The following FBN1 variants were observed in gnomAD, a reference collection of about 807,000 sequenced individuals.
The protein encoded by FBN1 is fibrillin 1, also known as fibrillin-1.
FBN1 carries 29 observed loss-of-function variants against 365.1 expected under a neutral mutation model. The observed-to-expected ratio is 0.08, with a 90% CI of 0.06 to 0.11. The LOEUF is 0.11. Among genes scored for constraint, FBN1 ranks in the 10% least tolerant of loss-of-function variants. FBN1 has a pLI of 1.00. For missense variants in FBN1, 2,476 were observed against 3,703.2 expected (o/e 0.67, Z 8.60); for synonymous variants, 1,210 against 1,270.5 (o/e 0.95, Z 1.01).
intron 60 of FBN1, 28 bp from the exon 61 acceptor site, chr15:48,422,096 G>A (rs201547341): frequency 2.1e-5 from 32 of 1,493,774 alleles, no homozygotes; most frequent in Non-Finnish European, 3.0e-5. Flanking sequence ...AGAGGCATTT[G>A]AGTCAAGCCA....
chr15:48,408,496 CCTA>C lies in FBN1; in HGVS notation c.*2491_*2493del, dbSNP rs1299787127. ...CAAGGCCAGCTGAGTTCATTTCAAC[CCTA>C]CTTACAAAATAATTATTGGCAAATG... On this transcript the variant is annotated 3_prime_UTR_variant, in exon 66 of 66. Transcript: ENST00000316623. 2 of 152,542 alleles carry C rather than the reference CCTA, an allele frequency of 1.3e-5. No individual in the cohort carries two copies. The highest frequency in any genetic ancestry group is 1.3e-4 in the Admixed American group (2 of 15,264). 9.4% of individuals were successfully genotyped at this position (152,542 alleles called of 1,614,324 possible).
chr15:48,570,895 G>T (rs2044301497), intron 6 of FBN1, among the ~76,000 whole-genome samples: 1 of 152,152 alleles, frequency 6.6e-6, no homozygotes, highest in Admixed American at 6.5e-5. Flanking sequence ...TGATTGGAAG[G>T]GATTCTGCCT....
intron 3 of FBN1, among the ~76,000 whole-genome samples, chr15:48,612,234 T>C (rs528487656): frequency 1.3e-5 from 2 of 152,324 alleles, no homozygotes; most frequent in South Asian, 4.1e-4. Flanking sequence ...TATAGTCTAT[T>C]GAATACTCCA....
In FBN1 at chr15:48,438,483, G is replaced by C. The variant is rs567282930; in HGVS notation, c.6164-566C>G. ...GTAGATGGGCAAAAATACAACACAA[G>C]GGTTGGTCACTGAAGCAGATACTCC... On this transcript the variant is annotated intron_variant, in intron 50 of 65. Transcript: ENST00000316623. Among the ~76,000 whole-genome samples the C allele has an allele frequency of 1.1e-4, 17 of 152,256 alleles. No homozygotes were observed. In the South Asian group the frequency reaches 3.5e-3, roughly 32 times the overall value.
rs16961144 is a variant in FBN1 at position 48,557,575 on chromosome 15, T to C, written c.539-19767A>G. On this transcript the variant is annotated intron_variant, in intron 6 of 65. Coordinates refer to ENST00000316623, the MANE Select transcript of FBN1 (RefSeq NM_000138.5). ...GCAAGCGCCATTCAAGCCAGGATTCTGTCAGTACAACGGGCGTGTCAGCGA... is the reference window on the plus strand; with the variant it reads ...GCAAGCGCCATTCAAGCCAGGATTCCGTCAGTACAACGGGCGTGTCAGCGA... Among the ~76,000 whole-genome samples, 2,545 of 152,302 alleles carry C rather than the reference T, an allele frequency of 0.017. 201 individuals are homozygous for C. The East Asian group carries it at 0.24, about 14-fold the overall frequency.
At position 48,516,220 on chromosome 15, in the gene FBN1, T is replaced by C. The variant is rs749526018; in HGVS notation, c.1290A>G (p.Pro430=). 6.2e-6 allele frequency: 10 copies of C among 1,613,512 alleles called. No individual in the cohort carries two copies. The Admixed American group carries it at 1.5e-4, about 24-fold the overall frequency. Residue 430 remains proline, a synonymous_variant, in exon 11 of 66, where the codon CCA becomes CCG. Transcript: ENST00000316623. ...PPGPQIPVPR[P]PVEYLYPSRE... ...GAGATGGATACAGATATTCCACTGG[T>C]GGTCGAGGGACCGGAATTTGAGGTC...
At chr15:48,482,047 C>G (rs866643662) in intron 31 of FBN1, among the ~76,000 whole-genome samples, 1 of 152,074 alleles carries the variant, frequency 6.6e-6, no homozygotes, top group African/African-American at 2.4e-5. Context: ...GTTTAGAGCT[C>G]GTTTATGTGA....
At chr15:48,610,440 C>T (rs142378343) in intron 4 of FBN1, among the ~76,000 whole-genome samples, 11 of 152,212 alleles carry the variant, frequency 7.2e-5, no homozygotes, top group Non-Finnish European at 1.6e-4. Context: ...ATGGTGTTTA[C>T]ACTGGAGATA....
chr15:48,640,107 GTCTGTAC>G (rs1356506972), intron 2 of FBN1, among the ~76,000 whole-genome samples: 2 of 152,176 alleles, frequency 1.3e-5, no homozygotes, highest in African/African-American at 4.8e-5. Context: ...TTGAAGGGAA[GTCTGTAC>G]TCCATTTCCA....
chr15:48,454,685 C>T (rs564914889), intron 44 of FBN1, among the ~76,000 whole-genome samples: 1 of 152,310 alleles, frequency 6.6e-6, no homozygotes, highest in East Asian at 1.9e-4. Flanking sequence ...GAAGTTGGCT[C>T]GACCAAAGAA....
chr15:48,492,522 C>A lies in FBN1; in HGVS notation c.2793G>T (p.Gly931=), dbSNP rs775785545. The change falls in exon 24 of 66, where the codon GGG becomes GGT. Residue 931 remains glycine, a synonymous_variant. Transcript: ENST00000316623. ...CKNGLCVNTR[G]SFKCQCPSGM... ...CACTGGGACACTGACACTTGAATGACCCCCTAGTGTTAACACACAGGCCAT... is the reference window on the plus strand; with the variant it reads ...CACTGGGACACTGACACTTGAATGAACCCCTAGTGTTAACACACAGGCCAT... 36 of 1,612,936 alleles carry A rather than the reference C, an allele frequency of 2.2e-5. No individual in the cohort carries two copies. Among genetic ancestry groups the A allele is most frequent in the Non-Finnish European group, 3.0e-5 (35 of 1,179,154 alleles).
chr15:48,526,683 G>A (rs1248418945), intron 8 of FBN1, among the ~76,000 whole-genome samples: 9 of 151,942 alleles, frequency 5.9e-5, no homozygotes, highest in East Asian at 1.9e-4. Context: ...TCCACAACGC[G>A]GATACTGGAA....
chr15:48,520,585 G>T, intron 10 of FBN1, 74 bp downstream of exon 10: 3 of 1,557,076 alleles, frequency 1.9e-6, no homozygotes, highest in Non-Finnish European at 2.6e-6. Context: ...CATTACATCT[G>T]CATCATGCAC....
At chr15:48,644,979 G>T in intron 1 of FBN1, 29 bp from the exon 2 acceptor site, 1 of 379,922 alleles carries the variant, frequency 2.6e-6, no homozygotes, top group Non-Finnish European at 4.5e-6. Flanking sequence ...TCCCCGAGGC[G>T]GGGAGACTTT....
Position 48,494,262 on chromosome 15 carries a change from A to G in FBN1, c.2678-8T>C. On this transcript the variant is annotated splice_polypyrimidine_tract_variant and splice_region_variant and intron_variant, in intron 22 of 65. Coordinates refer to ENST00000316623, the MANE Select transcript of FBN1 (RefSeq NM_000138.5). ...CTTTACCACATATGGGATCTGTAAT[A>G]AAAAGCGAAAAACAAAACAGAAAAC... 1 of 1,610,898 alleles carries G rather than the reference A, an allele frequency of 6.2e-7. No individual in the cohort carries two copies. The highest frequency in any genetic ancestry group is 1.1e-5 in the South Asian group (1 of 91,024).
At chr15:48,471,247 C>A (rs371980378) in intron 35 of FBN1, among the ~76,000 whole-genome samples, 9 of 152,290 alleles carry the variant, frequency 5.9e-5, no homozygotes, top group African/African-American at 2.2e-4. Flanking sequence ...GAAAACCGCA[C>A]ACGCTTCTTC....
At chr15:48,570,442 C>G (rs1188964016) in intron 6 of FBN1, among the ~76,000 whole-genome samples, 1 of 150,924 alleles carries the variant, frequency 6.6e-6, no homozygotes, top group Non-Finnish European at 1.5e-5. Context: ...TTTTGTGCCT[C>G]TGCTACTGTA....
At chr15:48,479,976 A>T (rs1030047346) in intron 32 of FBN1, among the ~76,000 whole-genome samples, 3 of 152,182 alleles carry the variant, frequency 2.0e-5, no homozygotes, top group African/African-American at 7.2e-5. Flanking sequence ...TTCATTTGAC[A>T]ATAGCTTTTA....
intron 6 of FBN1, among the ~76,000 whole-genome samples, chr15:48,573,696 G>T (rs1290517944): frequency 6.6e-6 from 1 of 152,192 alleles, no homozygotes; most frequent in African/African-American, 2.4e-5. Context: ...AGTCTGTCAT[G>T]TTCCCTTTAA....
Sources: gnomAD v4.1 joint callset for allele counts (sites outside exome capture counted in the v4.1 genomes callset) on GRCh38, gnomAD v4.1.1 for gene constraint, MANE v1.5 for transcripts, NCBI Gene and HGNC (gene_info 2026-07-23, HGNC 2026-07-21) for gene names.